The following ZNF541 variants were observed in gnomAD, a reference collection of about 807,000 sequenced individuals.
ZNF541 encodes zinc finger protein 541.
ZNF541 carries 23 observed loss-of-function variants against 123.5 expected under a neutral mutation model. The observed-to-expected ratio is 0.19, with a 90% CI of 0.13 to 0.26. The LOEUF is 0.26. ZNF541 is among the 10% of genes least tolerant of loss of function. The probability of loss-of-function intolerance (pLI) is 1.00; values close to 1 mark genes in which losing one functional copy is unlikely to be tolerated. For missense variants in ZNF541, 1,612 were observed against 1,789.9 expected (o/e 0.90, Z 1.79); for synonymous variants, 751 against 754.5 (o/e 1.00, Z 0.08).
intron 2 of ZNF541, among the ~76,000 whole-genome samples, chr19:47,570,310 G>T (rs1197313962): frequency 6.6e-6 from 1 of 150,472 alleles, no homozygotes; most frequent in African/African-American, 2.4e-5. Context: ...GGGCGTGGTG[G>T]TTCATGCCTG....
At chr19:47,564,087 A>G (rs1971170686) in intron 2 of ZNF541, among the ~76,000 whole-genome samples, 1 of 152,204 alleles carries the variant, frequency 6.6e-6, no homozygotes, top group Non-Finnish European at 1.5e-5. Context: ...ATACTCTGAC[A>G]TTAGCGCTAA....
intron 3 of ZNF541, among the ~76,000 whole-genome samples, chr19:47,551,262 A>G (rs1227607964): frequency 6.6e-6 from 1 of 151,926 alleles, no homozygotes; most frequent in African/African-American, 2.4e-5. Context: ...CTGGTCTCGA[A>G]CTTCTGGCCT....
chr19:47,555,346 G>A (rs1328465218), intron 3 of ZNF541, among the ~76,000 whole-genome samples: 4 of 150,576 alleles, frequency 2.7e-5, no homozygotes, highest in African/African-American at 7.4e-5. Flanking sequence ...CTCCAGCCTG[G>A]GCAACAGAGC....
At chr19:47,534,010 TAAAG>T (rs1223273674) in intron 9 of ZNF541, among the ~76,000 whole-genome samples, 1 of 151,938 alleles carries the variant, frequency 6.6e-6, no homozygotes, top group Non-Finnish European at 1.5e-5. Context: ...CTTAAAGAAT[TAAAG>T]GAAGGTATAA....
chr19:47,531,503 C>A, intron 12 of ZNF541, 139 bp downstream of exon 12: 1 of 595,372 alleles, frequency 1.7e-6, no homozygotes, highest in Non-Finnish European at 2.8e-6. Flanking sequence ...CCACTGCAAT[C>A]CCAAAGCCGC....
chr19:47,542,225 G>C (rs538993836), intron 5 of ZNF541, among the ~76,000 whole-genome samples: 1 of 152,300 alleles, frequency 6.6e-6, no homozygotes, highest in African/African-American at 2.4e-5. Context: ...CCAGGCCCTG[G>C]GGGGAGGGCG....
In ZNF541 at chr19:47,534,022, T is replaced by C. The variant is rs139855271; in HGVS notation, c.3095-1050A>G. Among the ~76,000 whole-genome samples, 828 of 152,232 alleles carry C rather than the reference T, an allele frequency of 5.4e-3. 6 individuals are homozygous for C. Among genetic ancestry groups the C allele is most frequent in the Non-Finnish European group, 9.4e-3 (641 of 68,016 alleles). ...ATGCTTAAAGAATTAAAGGAAGGTATAATGACAATTTCTCATCATAGACAG... is the reference window on the plus strand; with the variant it reads ...ATGCTTAAAGAATTAAAGGAAGGTACAATGACAATTTCTCATCATAGACAG... On this transcript the variant is annotated intron_variant, in intron 9 of 16. Transcript: ENST00000391901.
Position 47,532,889 on chromosome 19 carries a change from C to T in ZNF541, c.3158+20G>A. The T allele has an allele frequency of 6.5e-7, 1 of 1,548,486 alleles. No individual in the cohort carries two copies. The highest frequency in any genetic ancestry group is 8.7e-7 in the Non-Finnish European group (1 of 1,145,364). ...TCAAGGTGGGGTAAAAGCAGCTTCA[C>T]TGGAAAGGACCCAACTTACGGCTCA... is the stretch of plus-strand genomic sequence containing the variant. On this transcript the variant is annotated intron_variant, in intron 10 of 16. Transcript: ENST00000391901.
intron 4 of ZNF541, among the ~76,000 whole-genome samples, chr19:47,548,442 C>CA (rs574466068): frequency 0.22 from 12,716 of 59,100 alleles, 1,459 homozygotes; most frequent in African/African-American, 0.33. Context: ...GACTCCATCT[C>CA]AAAAAAAAAA....
chr19:47,523,166 C>CTA (rs1482929434), intron 14 of ZNF541, among the ~76,000 whole-genome samples: 1 of 150,470 alleles, frequency 6.6e-6, no homozygotes, highest in African/African-American at 2.4e-5. Context: ...GTAGCTGGGA[C>CTA]TATAGGCGCG....
Position 47,532,378 on chromosome 19 carries a change from T to C in ZNF541, c.3159-108A>G, listed in dbSNP as rs73940883. Reference sequence around the variant, plus strand: ...TGCTCTTGGGCCACAGCCTGCTCCATGGAAACCCTCTGCTGTCTCAGGTGC... The same window carrying C: ...TGCTCTTGGGCCACAGCCTGCTCCACGGAAACCCTCTGCTGTCTCAGGTGC... On this transcript the variant is annotated intron_variant, in intron 10 of 16. Coordinates refer to ENST00000391901, the MANE Select transcript of ZNF541 (RefSeq NM_001277075.3). 6.9e-4 allele frequency: 893 copies of C among 1,300,882 alleles called. 4 individuals carry two copies. In the African/African-American group the frequency reaches 0.011, roughly 16 times the overall value. 80.6% of individuals were successfully genotyped at this position (1,300,882 alleles called of 1,614,324 possible).
At chr19:47,554,357 G>A (rs992835788) in intron 3 of ZNF541, among the ~76,000 whole-genome samples, 6 of 152,144 alleles carry the variant, frequency 3.9e-5, no homozygotes, top group Non-Finnish European at 8.8e-5. Context: ...CTTGAACCTG[G>A]GAGGCAGAGG....
chr19:47,567,543 C>A (rs1349493415), intron 2 of ZNF541, among the ~76,000 whole-genome samples: 1 of 152,226 alleles, frequency 6.6e-6, no homozygotes, highest in Non-Finnish European at 1.5e-5. Context: ...TACAGGCGTG[C>A]GCCACCGCGC....
chr19:47,538,096 G>C (rs1599979017), intron 9 of ZNF541, 46 bp downstream of exon 9: 1 of 1,544,882 alleles, frequency 6.5e-7, no homozygotes, highest in Non-Finnish European at 8.7e-7. Flanking sequence ...TGGTCCGCAG[G>C]CAATCCACCC....
rs534549999 is a variant in ZNF541, at chr19:47,545,524, G to C, written c.1005C>G (p.Pro335=). Residue 335 remains proline (P), a synonymous_variant, in exon 5 of 17, where the codon CCC becomes CCG. Coordinates refer to ENST00000391901, the MANE Select transcript of ZNF541 (RefSeq NM_001277075.3). This position sits in a 1 kb window ranked among gnomAD's most constrained non-coding sequence, Gnocchi z 7.5. Reference sequence around the variant, plus strand: ...CTTTCTGTGGGAGGCAAGGCTCCTCGGGAAGCTCGGTGTCCAGCGCTGCTG... The same window carrying C: ...CTTTCTGTGGGAGGCAAGGCTCCTCCGGAAGCTCGGTGTCCAGCGCTGCTG... ...AAPAALDTEL[P]EEPCLPQKEP... is the part of the protein sequence containing the mutation. 177 of 1,514,340 alleles carry C rather than the reference G, an allele frequency of 1.2e-4. 5 individuals are homozygous for C. The South Asian group carries it at 1.8e-3, about 16-fold the overall frequency. The allele number at this position is 1,514,340 out of a possible 1,614,324, so 93.8% of individuals were successfully genotyped here.
chr19:47,546,819 C>T (rs1970378852), intron 4 of ZNF541, among the ~76,000 whole-genome samples: 2 of 152,178 alleles, frequency 1.3e-5, no homozygotes, highest in South Asian at 4.1e-4. Context: ...CCCCCAGGTT[C>T]AAGCGATTCT....
In ZNF541 at chr19:47,545,715, G is replaced by A. The variant is rs1257860666; in HGVS notation, c.814C>T (p.Arg272Trp). The A allele has an allele frequency of 6.5e-7, 1 of 1,546,908 alleles. No individual in the cohort carries two copies. The highest frequency in any genetic ancestry group is 8.7e-7 in the Non-Finnish European group (1 of 1,146,754). The change falls in exon 5 of 17, where the codon CGG becomes TGG. Residue 272 changes from arginine to tryptophan, a missense_variant. Around this residue, in one of 5 missense-constraint regions of ZNF541, gnomAD observed 1,080 missense variants for 1,013.8 expected, o/e 1.07. Coordinates refer to ENST00000391901, the MANE Select transcript of ZNF541 (RefSeq NM_001277075.3). This position sits in a 1 kb window ranked among gnomAD's most constrained non-coding sequence, Gnocchi z 7.5. The part of the protein sequence containing the change: ...ARSPGSLLPH[R>W]DLLRRIVSSI... ...CTCACGATGCGGCGCAGGAGGTCCC[G>A]GTGGGGCAGGAGGGAGCCGGGGGAC...
At chr19:47,534,246 A>C (rs1022228006) in intron 9 of ZNF541, among the ~76,000 whole-genome samples, 1 of 152,220 alleles carries the variant, frequency 6.6e-6, no homozygotes, top group African/African-American at 2.4e-5. Flanking sequence ...GAATCCGAAG[A>C]ACAAAGAGAA....
chr19:47,567,492 T>G (rs1260588985), intron 2 of ZNF541, among the ~76,000 whole-genome samples: 1 of 152,160 alleles, frequency 6.6e-6, no homozygotes, highest in Non-Finnish European at 1.5e-5. Context: ...ACTCCTTACC[T>G]CAAATGATCC....
Sources: allele counts gnomAD v4.1 joint callset (sites outside exome capture counted in the v4.1 genomes callset), GRCh38; gene constraint gnomAD v4.1.1; regional missense constraint gnomAD v4.1.1; non-coding constraint Gnocchi (gnomAD v3.1); transcripts MANE v1.5; gene names NCBI Gene and HGNC (gene_info 2026-07-23, HGNC 2026-07-21).